Variants in GLYR1 observed in about 807,000 individuals in gnomAD.
GLYR1 encodes glyoxylate reductase 1 homolog.
GLYR1 carries 21 observed loss-of-function variants against 72.7 expected under a neutral mutation model. The ratio of observed to expected loss-of-function variants is 0.29; its 90% CI spans 0.20 to 0.42. GLYR1 has a LOEUF of 0.42. GLYR1 is among the 10% of genes least tolerant of loss of function. GLYR1 has a pLI of 1.00. For synonymous variants in GLYR1, 392 were observed against 270.2 expected, an observed-to-expected ratio of 1.45 and a Z score of -4.42; for missense variants, 594 against 712.1, an observed-to-expected ratio of 0.83 and a Z score of 1.89.
chr16:4,832,919 G>C lies in GLYR1; in HGVS notation c.156-7C>G, dbSNP rs1192104316. ...TTCCACTTTGATCCAGGCACTAGCAGAAAACAAACACAAAAAGGGTGTGAA... is the reference window on the plus strand; with the variant it reads ...TTCCACTTTGATCCAGGCACTAGCACAAAACAAACACAAAAAGGGTGTGAA... On this transcript the variant is annotated splice_region_variant and splice_polypyrimidine_tract_variant and intron_variant, in intron 3 of 15. Transcript: ENST00000321919. 6.2e-7 allele frequency: 1 copy of C among 1,607,248 alleles called. No homozygotes were observed. The highest frequency in any genetic ancestry group is 2.2e-5 in the East Asian group (1 of 44,722).
intron 7 of GLYR1, 186 bp from the exon 8 acceptor site, chr16:4,821,783 T>G (rs1346671954): frequency 1.6e-6 from 1 of 626,556 alleles, no homozygotes; most frequent in Non-Finnish European, 2.8e-6. Context: ...CCCCATGCAA[T>G]TCTACCAGGT....
chr16:4,818,023 G>C (rs1286773882), intron 9 of GLYR1: 2 of 243,004 alleles, frequency 8.2e-6, no homozygotes, highest in Non-Finnish European at 1.6e-5. Context: ...TTTTGAGACA[G>C]TCTTGCTCTG....
intron 3 of GLYR1, chr16:4,843,606 T>C (rs2085721831): frequency 1.8e-5 from 23 of 1,289,074 alleles, no homozygotes; most frequent in Non-Finnish European, 2.2e-5. Flanking sequence ...GGTCTATCTG[T>C]AAACATGAAA....
chr16:4,823,057 C>A, intron 6 of GLYR1, 126 bp from the exon 7 acceptor site: 4 of 804,598 alleles, frequency 5.0e-6, no homozygotes, highest in South Asian at 1.6e-5. Flanking sequence ...TCACAATTGT[C>A]TGGAAACTCT....
chr16:4,820,450 T>A (rs977950468), intron 9 of GLYR1, among the ~76,000 whole-genome samples: 1 of 152,198 alleles, frequency 6.6e-6, no homozygotes, highest in African/African-American at 2.4e-5. Flanking sequence ...GGCCAATAAA[T>A]GTGTTGGGTA....
chr16:4,814,453 G>A, intron 11 of GLYR1, 84 bp downstream of exon 11: 1 of 975,996 alleles, frequency 1.0e-6, no homozygotes, highest in South Asian at 1.3e-5. Context: ...ACACTCACTT[G>A]GTGTGCAGGG....
intron 3 of GLYR1, among the ~76,000 whole-genome samples, chr16:4,835,522 C>CAA (rs1314269539): frequency 6.6e-6 from 1 of 152,120 alleles, no homozygotes; most frequent in Non-Finnish European, 1.5e-5. Context: ...CCTGTTACAT[C>CAA]AAAAAACAGC....
rs2083338919 is a variant in GLYR1 at position 4,811,851 on chromosome 16, GGGCTTCTCT to G, written c.1283-58_1283-50del. The G allele has an allele frequency of 4.5e-6, 7 of 1,571,884 alleles. No homozygotes were observed. The Admixed American group carries it at 7.2e-5, about 16-fold the overall frequency. ...TCACAGCCCAAGAATGCCACAGACAGGGCTTCTCTGTCCACCCTCACCTCTGCTCAGACC... is the reference window on the plus strand; with the variant it reads ...TCACAGCCCAAGAATGCCACAGACAGGTCCACCCTCACCTCTGCTCAGACC... On this transcript the variant is annotated intron_variant, in intron 13 of 15. Transcript: ENST00000321919.
chr16:4,806,964 G>A (rs1204789129), intron 15 of GLYR1, among the ~76,000 whole-genome samples: 3 of 151,716 alleles, frequency 2.0e-5, no homozygotes, highest in South Asian at 2.1e-4. Context: ...CCGCCACCAC[G>A]CCTGGCTAAT....
intron 1 of GLYR1, 41 bp from the exon 2 acceptor site, chr16:4,846,251 C>G: frequency 6.2e-7 from 1 of 1,607,826 alleles, no homozygotes; most frequent in Non-Finnish European, 8.5e-7. Context: ...CCTGCAAAAG[C>G]CAGTCCATCT....
At chr16:4,813,912 C>G in intron 11 of GLYR1, 74 bp from the exon 12 acceptor site, 2 of 1,121,194 alleles carry the variant, frequency 1.8e-6, no homozygotes, top group Non-Finnish European at 2.5e-6. Context: ...GACCTCAGAT[C>G]AGAATCCTGC....
At chr16:4,808,459 G>A (rs1273021640) in intron 15 of GLYR1, among the ~76,000 whole-genome samples, 2 of 151,898 alleles carry the variant, frequency 1.3e-5, no homozygotes, top group African/African-American at 2.4e-5. Flanking sequence ...TTAGCCAGGA[G>A]TACTGGCAGG....
chr16:4,828,100 C>T (rs2084525780), intron 5 of GLYR1, among the ~76,000 whole-genome samples: 2 of 151,448 alleles, frequency 1.3e-5, no homozygotes, highest in African/African-American at 2.4e-5. Flanking sequence ...GATGGAGTCT[C>T]GCTCTGTCAC....
rs371393418 is a variant in GLYR1 at position 4,832,789 on chromosome 16, G to T, written c.279C>A (p.Ala93=). ...VDAVEEFLRR[A]KGKDQTSSHN... ...TGTCTCTCACCTGGTCTTTCCCTTTGGCTCTCCTGAGGAACTCTTCGACAG... is the reference window on the plus strand; with the variant it reads ...TGTCTCTCACCTGGTCTTTCCCTTTTGCTCTCCTGAGGAACTCTTCGACAG... Residue 93 remains alanine, a synonymous_variant, in exon 4 of 16, where the codon GCC becomes GCA. Coordinates refer to ENST00000321919, the MANE Select transcript of GLYR1 (RefSeq NM_032569.4). The T allele has an allele frequency of 6.2e-7, 1 of 1,609,274 alleles. No individual in the cohort carries two copies. Among genetic ancestry groups the T allele is most frequent in the Non-Finnish European group, 8.5e-7 (1 of 1,177,990 alleles).
intron 10 of GLYR1, 98 bp downstream of exon 10, chr16:4,817,500 T>C (rs2083722846): frequency 4.1e-6 from 3 of 730,410 alleles, no homozygotes; most frequent in African/African-American, 1.7e-5. Flanking sequence ...GCTTCTATTC[T>C]ATTGCACGCA....
At chr16:4,809,566 C>T (rs1241199067) in intron 15 of GLYR1, among the ~76,000 whole-genome samples, 3 of 147,004 alleles carry the variant, frequency 2.0e-5, no homozygotes, top group East Asian at 2.0e-4. Flanking sequence ...GAGCCGAGAT[C>T]GTGCCACTGT....
chr16:4,846,225 A>G lies in GLYR1; in HGVS notation c.39-15T>C, dbSNP rs751190873. On this transcript the variant is annotated splice_polypyrimidine_tract_variant and intron_variant, in intron 1 of 15. Transcript: ENST00000321919. The stretch of plus-strand genomic sequence containing the variant: ...CGAGTTTCCCCCTAGAGAAAACACA[A>G]AGAGTCAACACTTGCCCTGCAAAAG... 5.6e-6 allele frequency: 9 copies of G among 1,613,438 alleles called. No homozygotes were observed. The highest frequency in any genetic ancestry group is 3.3e-5 in the South Asian group (3 of 91,076).
At chr16:4,826,400 C>A (rs2084382155) in intron 5 of GLYR1, among the ~76,000 whole-genome samples, 1 of 152,162 alleles carries the variant, frequency 6.6e-6, no homozygotes, top group Non-Finnish European at 1.5e-5. Context: ...GCCACTGTGC[C>A]TAGCAGACTG....
In GLYR1 at chr16:4,832,813, A is replaced by G. The variant is rs770280620; in HGVS notation, c.255T>C (p.Ala85=). 2 of 1,613,494 alleles carry G rather than the reference A, an allele frequency of 1.2e-6. No homozygotes were observed. Among genetic ancestry groups the G allele is most frequent in the South Asian group, 2.2e-5 (2 of 90,878 alleles). The part of the protein sequence containing the change: ...KGKRFQQAVD[A]VEEFLRRAKG... ...TGGCTCTCCTGAGGAACTCTTCGAC[A>G]GCATCTACCGCTTGCTGGAATCGTT... is the stretch of plus-strand genomic sequence containing the variant. The change falls in exon 4 of 16, where the codon GCT becomes GCC. Residue 85 remains alanine (A), a synonymous_variant. Transcript: ENST00000321919.
Sources: allele counts gnomAD v4.1 joint callset (sites outside exome capture counted in the v4.1 genomes callset), GRCh38; gene constraint gnomAD v4.1.1; transcripts MANE v1.5; gene names NCBI Gene and HGNC (gene_info 2026-07-23, HGNC 2026-07-21).